The following EFHC2 variants were observed in gnomAD, a reference collection of about 807,000 sequenced individuals.
The protein encoded by EFHC2 is EF-hand domain-containing family member C2.
EFHC2 carries 18 observed loss-of-function variants against 52.7 expected under a neutral mutation model. The ratio of observed to expected loss-of-function variants is 0.34; its 90% CI spans 0.24 to 0.51. The LOEUF (loss-of-function observed/expected upper bound fraction) is 0.51. EFHC2 is among the 20% of genes least tolerant of loss of function. The pLI is 0.97. For synonymous variants in EFHC2, 203 were observed against 204.1 expected (o/e 0.99, Z 0.04); for missense variants, 513 against 562.5 (o/e 0.91, Z 0.89).
At chrX:44,245,279 G>T (rs2037391478) in intron 7 of EFHC2, among the ~76,000 whole-genome samples, 1 of 111,999 alleles carries the variant, frequency 8.9e-6, no homozygotes, top group African/African-American at 3.2e-5. Flanking sequence ...CCCAATAAGT[G>T]TTCAACAGCA....
intron 2 of EFHC2, among the ~76,000 whole-genome samples, chrX:44,292,146 G>A (rs1019383920): frequency 2.0e-4 from 22 of 110,743 alleles, no homozygotes; most frequent in African/African-American, 7.2e-4. Context: ...GTGTTTTTTT[G>A]TGTGTATATA....
At position 44,248,408 on chromosome X, in the gene EFHC2, T is replaced by G; in HGVS notation, c.975A>C (p.Leu325=). 2 of 1,190,091 alleles carry G rather than the reference T, an allele frequency of 1.7e-6. No homozygotes were observed. Among genetic ancestry groups the G allele is most frequent in the Non-Finnish European group, 2.3e-6 (2 of 884,119 alleles). Residue 325 remains leucine (L), a splice_region_variant and synonymous_variant, in exon 7 of 15, where the codon CTA becomes CTC. Coordinates refer to ENST00000420999, the MANE Select transcript of EFHC2 (RefSeq NM_025184.4). ...ADGYLFDRYK[L]GKVDQEFYKD... ...TGTAAAACTCTTGGTCTACTTTTCC[T>G]AGCTAAAAAAGACAAAGGAACATAG...
chrX:44,157,759 T>A (rs1378776858), intron 14 of EFHC2, among the ~76,000 whole-genome samples: 1 of 50,988 alleles, frequency 2.0e-5, no homozygotes, highest in Admixed American at 2.4e-4. Flanking sequence ...CCCCGCTTGG[T>A]TCCCTTAACC....
At chrX:44,318,614 G>A (rs753336548) in intron 1 of EFHC2, among the ~76,000 whole-genome samples, 1 of 112,195 alleles carries the variant, frequency 8.9e-6, no homozygotes, top group Non-Finnish European at 1.9e-5. Flanking sequence ...TGATGACCAA[G>A]CCCAGGGATG....
At chrX:44,316,385 G>T (rs1412539895) in intron 1 of EFHC2, among the ~76,000 whole-genome samples, 1 of 112,157 alleles carries the variant, frequency 8.9e-6, no homozygotes, top group Non-Finnish European at 1.9e-5. Context: ...ACATGGCCTT[G>T]GGCAAGCCAC....
intron 11 of EFHC2, among the ~76,000 whole-genome samples, chrX:44,228,366 T>C (rs1002954934): frequency 8.9e-6 from 1 of 112,016 alleles, no homozygotes; most frequent in South Asian, 3.7e-4. Context: ...GAAAAATGGA[T>C]GCTTTTGTAA....
intron 2 of EFHC2, among the ~76,000 whole-genome samples, chrX:44,277,744 A>C (rs1402482220): frequency 1.8e-5 from 2 of 111,438 alleles, no homozygotes; most frequent in Non-Finnish European, 3.8e-5. Flanking sequence ...AAATTATACA[A>C]GTTATATTCA....
At chrX:44,153,347 C>CAG (rs1466389813) in intron 14 of EFHC2, among the ~76,000 whole-genome samples, 1 of 111,897 alleles carries the variant, frequency 8.9e-6, no homozygotes, top group African/African-American at 3.2e-5. Context: ...TCACAAAGCT[C>CAG]TCCTAACTAT....
At chrX:44,291,837 G>A (rs757916401) in intron 2 of EFHC2, among the ~76,000 whole-genome samples, 6 of 112,460 alleles carry the variant, frequency 5.3e-5, no homozygotes, top group Non-Finnish European at 9.4e-5. Flanking sequence ...AGGATGCAAA[G>A]CTGGAAGCTT....
intron 2 of EFHC2, among the ~76,000 whole-genome samples, chrX:44,293,482 G>A (rs2037807092): frequency 9.1e-6 from 1 of 110,311 alleles, no homozygotes; most frequent in African/African-American, 3.3e-5. Context: ...TTATAGGTTG[G>A]TGCAAAAATA....
chrX:44,177,271 C>A (rs746217496), intron 12 of EFHC2, among the ~76,000 whole-genome samples: 1 of 111,954 alleles, frequency 8.9e-6, no homozygotes, highest in East Asian at 2.8e-4. Flanking sequence ...AAAATACCAT[C>A]TTTATAAAAA....
intron 1 of EFHC2, among the ~76,000 whole-genome samples, chrX:44,316,560 C>G (rs1373059770): frequency 1.8e-5 from 2 of 109,467 alleles, no homozygotes; most frequent in African/African-American, 6.7e-5. Context: ...TGAAAAAATC[C>G]ATAGAATGAA....
intron 11 of EFHC2, among the ~76,000 whole-genome samples, chrX:44,219,345 T>C (rs2037177316): frequency 9.0e-6 from 1 of 111,173 alleles, no homozygotes; most frequent in South Asian, 3.7e-4. Context: ...GTATAAAGTT[T>C]GTGCATTTTA....
At chrX:44,313,522 A>G (rs2037963387) in intron 1 of EFHC2, among the ~76,000 whole-genome samples, 1 of 112,577 alleles carries the variant, frequency 8.9e-6, no homozygotes, top group African/African-American at 3.2e-5. Context: ...AAGGAACTGC[A>G]TATCAGACTA....
At position 44,242,163 on chromosome X, in the gene EFHC2, G is replaced by A. The variant is rs534403998; in HGVS notation, c.1238C>T (p.Thr413Ile). ...CTTCTTGAAGTTCCTCCGATGAGGT[G>A]TGGGCTTGAGGTCTATGCAGTTACG... ...SLRNCIDLKPTPHRRNFKKFM... is the reference protein window; with the variant it reads ...SLRNCIDLKPIPHRRNFKKFM... The change falls in exon 8 of 15, where the codon ACA becomes ATA. Residue 413 changes from threonine to isoleucine, a missense_variant. Transcript: ENST00000420999. 1.4e-5 allele frequency: 17 copies of A among 1,203,495 alleles called. No individual in the cohort carries two copies. The African/African-American group carries it at 2.1e-4, about 15-fold the overall frequency.
At chrX:44,219,279 A>G (rs2037176716) in intron 11 of EFHC2, among the ~76,000 whole-genome samples, 1 of 110,712 alleles carries the variant, frequency 9.0e-6, no homozygotes, top group Admixed American at 9.7e-5. Flanking sequence ...GTAATGTTCT[A>G]TGTGTTAGTA....
chrX:44,167,092 A>G (rs190849117), intron 13 of EFHC2, among the ~76,000 whole-genome samples: 2 of 111,696 alleles, frequency 1.8e-5, no homozygotes, highest in African/African-American at 6.5e-5. Context: ...GGTTTATAAG[A>G]CCCAACTTAA....
chrX:44,258,371 T>C (rs946186054), intron 4 of EFHC2, among the ~76,000 whole-genome samples: 7 of 109,926 alleles, frequency 6.4e-5, no homozygotes, highest in Non-Finnish European at 1.3e-4. Flanking sequence ...AAGAAAATTT[T>C]TGCAATCTAT....
intron 2 of EFHC2, chrX:44,309,983 T>G: frequency 2.0e-6 from 2 of 996,402 alleles, no homozygotes; most frequent in East Asian, 6.1e-5. Flanking sequence ...CCATGGCAAT[T>G]TGGAAGCCAT....
Sources: allele counts gnomAD v4.1 joint callset (sites outside exome capture counted in the v4.1 genomes callset), GRCh38; gene constraint gnomAD v4.1.1; transcripts MANE v1.5; gene names NCBI Gene and HGNC (gene_info 2026-07-23, HGNC 2026-07-21).